The following CMKLR2 variants were observed in gnomAD, a reference collection of about 807,000 sequenced individuals.
CMKLR2 encodes the protein chemerin chemokine-like receptor 2.
Under a neutral mutation model 23.0 loss-of-function variants are expected in CMKLR2, and 18 were observed. The ratio of observed to expected loss-of-function variants is 0.78; its 90% CI spans 0.54 to 1.16. The LOEUF is 1.16. CMKLR2 is among the 50% of genes most tolerant of loss of function. CMKLR2 has a pLI of 0.00. For missense variants in CMKLR2, 401 were observed against 412.7 expected (o/e 0.97, Z 0.25); for synonymous variants, 158 against 158.9 (o/e 0.99, Z 0.05).
chr2:206,180,112 AATT>A (rs1484593038), intron 1 of CMKLR2, among the ~76,000 whole-genome samples: 7 of 152,108 alleles, frequency 4.6e-5, no homozygotes, highest in Admixed American at 1.3e-4. Flanking sequence ...TAATTATAAT[AATT>A]ATTATTGTTA....
chr2:206,206,264 G>A (rs1475437339), intron 1 of CMKLR2, among the ~76,000 whole-genome samples: 1 of 152,186 alleles, frequency 6.6e-6, no homozygotes, highest in African/African-American at 2.4e-5. Context: ...TGTTAATAGG[G>A]ATAAAATCAT....
At chr2:206,177,351 A>G (rs1303139638) in intron 1 of CMKLR2, 76 bp from the exon 2 acceptor site, 1 of 689,516 alleles carries the variant, frequency 1.5e-6, no homozygotes, top group East Asian at 2.8e-5. Context: ...AAGGAACGTG[A>G]AGATAAAAAT....
Position 206,176,038 on chromosome 2 carries a change from A to T in CMKLR2, c.*142T>A, listed in dbSNP as rs1030270108. ...TTCCTAAGTTTCATATCCACACAAA[A>T]ATGTGATGCCTATATAGTGACCAGA... On this transcript the variant is annotated 3_prime_UTR_variant, in exon 2 of 2. Transcript: ENST00000621141. 8.8e-5 allele frequency: 47 copies of T among 532,496 alleles called. 1 individual carries two copies. The highest frequency in any genetic ancestry group is 1.4e-4 in the Non-Finnish European group (45 of 318,416). 33.0% of individuals were successfully genotyped at this position (532,496 alleles called of 1,614,324 possible). A position where few individuals can be genotyped will look rare whatever the true frequency, so the allele number is the denominator to read the frequency against.
intron 1 of CMKLR2, among the ~76,000 whole-genome samples, chr2:206,196,909 C>CT (rs1165425011): frequency 4.0e-5 from 6 of 151,830 alleles, no homozygotes; most frequent in Admixed American, 2.0e-4. Context: ...AAAGCATATT[C>CT]TTTTTTTGTT....
Position 206,212,741 on chromosome 2 carries a change from A to G in CMKLR2, c.-29+566T>C, listed in dbSNP as rs59634593. On this transcript the variant is annotated intron_variant, in intron 1 of 1. Coordinates refer to ENST00000621141, the MANE Select transcript of CMKLR2 (RefSeq NM_001389445.1). The stretch of plus-strand genomic sequence containing the variant: ...GAGATTCAAAAAGGCAACAACAACA[A>G]ACAAATGGGAAGGCCCAACAAACCA... Among the ~76,000 whole-genome samples, 1,364 of 152,324 alleles carry G rather than the reference A, an allele frequency of 9.0e-3. 17 individuals carry two copies. The highest frequency in any genetic ancestry group is 0.031 in the African/African-American group (1,283 of 41,574).
At chr2:206,217,609 A>G (rs560184178), upstream of CMKLR2, 4 of 152,324 alleles carry the variant, frequency 2.6e-5, no homozygotes, top group African/African-American at 7.2e-5. Flanking sequence ...CGAAGTTCTA[A>G]TTACCTGTAG....
intron 1 of CMKLR2, among the ~76,000 whole-genome samples, chr2:206,195,315 G>C (rs1252168937): frequency 6.6e-6 from 1 of 152,188 alleles, no homozygotes; most frequent in Non-Finnish European, 1.5e-5. Flanking sequence ...ACTATCTTCA[G>C]ATACTTGAAG....
chr2:206,213,707 G>A (rs575999517), upstream of CMKLR2: 1 of 152,186 alleles, frequency 6.6e-6, no homozygotes, highest in African/African-American at 2.4e-5. Context: ...CTTATGAAAA[G>A]GCAAGTTAAA....
chr2:206,213,474 G>T (rs924131224), upstream of CMKLR2: 10 of 152,270 alleles, frequency 6.6e-5, no homozygotes, highest in South Asian at 2.1e-4. Context: ...TTTGAATGTG[G>T]TTCTTCCCTT....
intron 1 of CMKLR2, among the ~76,000 whole-genome samples, chr2:206,186,832 C>T (rs1688595247): frequency 6.7e-6 from 1 of 149,980 alleles, no homozygotes; most frequent in Non-Finnish European, 1.5e-5. Flanking sequence ...GCTCTGTCAC[C>T]CAGGCTGGAG....
intron 1 of CMKLR2, among the ~76,000 whole-genome samples, chr2:206,187,322 G>A (rs946574417): frequency 5.3e-5 from 8 of 152,160 alleles, no homozygotes; most frequent in Admixed American, 3.3e-4. Context: ...GTAGAAGTGG[G>A]TCAGGTGTCT....
chr2:206,184,669 GGGA>G (rs1369511993), intron 1 of CMKLR2, among the ~76,000 whole-genome samples: 2 of 151,942 alleles, frequency 1.3e-5, no homozygotes, highest in Non-Finnish European at 2.9e-5. Flanking sequence ...TTTTTGGTGG[GGGA>G]GGAGGGTTAC....
chr2:206,192,377 T>C (rs908141063), intron 1 of CMKLR2, among the ~76,000 whole-genome samples: 20 of 149,802 alleles, frequency 1.3e-4, no homozygotes, highest in African/African-American at 3.4e-4. Flanking sequence ...GATTCAATTA[T>C]ATTTTATTAT....
At chr2:206,195,427 A>AAAGC (rs781169450) in intron 1 of CMKLR2, among the ~76,000 whole-genome samples, 17 of 152,284 alleles carry the variant, frequency 1.1e-4, no homozygotes, top group Non-Finnish European at 1.9e-4. Context: ...GTCTACCAAG[A>AAAGC]AAGCAAGCAA....
At chr2:206,209,888 T>C (rs972869908) in intron 1 of CMKLR2, among the ~76,000 whole-genome samples, 1 of 151,846 alleles carries the variant, frequency 6.6e-6, no homozygotes, top group Non-Finnish European at 1.5e-5. Flanking sequence ...GACCTCATGA[T>C]CCACCCGCCT....
At chr2:206,189,002 A>T (rs911502713) in intron 1 of CMKLR2, among the ~76,000 whole-genome samples, 3 of 152,220 alleles carry the variant, frequency 2.0e-5, no homozygotes, top group Non-Finnish European at 2.9e-5. Context: ...AGAGGGAAAC[A>T]TTTTGTTCAT....
intron 1 of CMKLR2, among the ~76,000 whole-genome samples, chr2:206,196,934 A>G (rs1182244900): frequency 6.6e-6 from 1 of 152,068 alleles, no homozygotes; most frequent in Non-Finnish European, 1.5e-5. Flanking sequence ...TTTTAGACCA[A>G]GTCTTGCTCT....
At chr2:206,190,756 A>G (rs1170452002) in intron 1 of CMKLR2, among the ~76,000 whole-genome samples, 2 of 152,236 alleles carry the variant, frequency 1.3e-5, no homozygotes, top group Non-Finnish European at 2.9e-5. Context: ...ATTGAATCAA[A>G]TGGAAATTAA....
At chr2:206,203,975 T>C (rs986262820) in intron 1 of CMKLR2, 4 of 152,180 alleles carry the variant, frequency 2.6e-5, no homozygotes, top group Non-Finnish European at 5.9e-5. Context: ...GAGTAAACTG[T>C]TCTAGGTTTA....
Sources: allele counts gnomAD v4.1 joint callset (sites outside exome capture counted in the v4.1 genomes callset), GRCh38; gene constraint gnomAD v4.1.1; transcripts MANE v1.5; gene names NCBI Gene and HGNC (gene_info 2026-07-23, HGNC 2026-07-21).